Variants in USP13 observed in about 807,000 individuals in gnomAD.
USP13 encodes ubiquitin carboxyl-terminal hydrolase 13.
A neutral mutation model predicts 107.8 loss-of-function variants in USP13; 68 were observed. That is an observed-to-expected ratio of 0.63 (90% confidence interval 0.52 to 0.77). The LOEUF (loss-of-function observed/expected upper bound fraction) is 0.77. Ranked by LOEUF, USP13 falls within the 30% of genes least tolerant of loss-of-function variation. The probability of loss-of-function intolerance (pLI) is 0.00; values close to 1 mark genes in which losing one functional copy is unlikely to be tolerated. For missense variants in USP13, 945 were observed against 1,093.3 expected, an observed-to-expected ratio of 0.86 and a Z score of 1.91; for synonymous variants, 377 against 389.5, an observed-to-expected ratio of 0.97 and a Z score of 0.38.
At position 179,721,383 on chromosome 3, in the gene USP13, T is replaced by G; in HGVS notation, c.901-19T>G. ...GGAATCACATTTAAAGTTGTTTTTC[T>G]TCGATGACTTTGTCTCAGACAGAGA... On this transcript the variant is annotated intron_variant, in intron 7 of 20. Coordinates refer to ENST00000263966, the MANE Select transcript of USP13 (RefSeq NM_003940.3). This position sits in a 1 kb window ranked among gnomAD's most constrained non-coding sequence, Gnocchi z 4.3. 6.2e-7 allele frequency: 1 copy of G among 1,606,100 alleles called. No homozygotes were observed. Among genetic ancestry groups the G allele is most frequent in the African/African-American group, 1.3e-5 (1 of 74,830 alleles).
At chr3:179,677,701 G>C (rs1420975969) in intron 1 of USP13, among the ~76,000 whole-genome samples, 1 of 152,140 alleles carries the variant, frequency 6.6e-6, no homozygotes, top group Non-Finnish European at 1.5e-5. Flanking sequence ...CTTGGATATA[G>C]AGTATTTCTA....
intron 2 of USP13, among the ~76,000 whole-genome samples, chr3:179,684,537 C>T (rs531075212): frequency 9.3e-5 from 14 of 151,146 alleles, no homozygotes; most frequent in African/African-American, 2.7e-4. Context: ...CATGGTGCTC[C>T]GTCTTGTGCT....
At chr3:179,692,234 T>C (rs1712140935) in intron 3 of USP13, among the ~76,000 whole-genome samples, 1 of 152,246 alleles carries the variant, frequency 6.6e-6, no homozygotes, top group South Asian at 2.1e-4. Flanking sequence ...TTTTTGCTTC[T>C]CTATATTTAA....
chr3:179,758,403 A>G (rs1161282264), intron 16 of USP13, among the ~76,000 whole-genome samples: 2 of 152,088 alleles, frequency 1.3e-5, no homozygotes, highest in Non-Finnish European at 2.9e-5. Context: ...TGATTTGGCC[A>G]TTTATTTCCT....
In USP13 at chr3:179,764,302, T is replaced by G. The variant is rs1005674522; in HGVS notation, c.2259+134T>G. 8.3e-6 allele frequency: 11 copies of G among 1,318,592 alleles called. No homozygotes were observed. In the Admixed American group the frequency reaches 3.9e-4, roughly 46 times the overall value. 81.7% of individuals were successfully genotyped at this position (1,318,592 alleles called of 1,614,324 possible). ...ATTCATCTAACTGTGAATCTCATCATAGCCCATAAAGATTTATTTGCATAT... is the reference window on the plus strand; with the variant it reads ...ATTCATCTAACTGTGAATCTCATCAGAGCCCATAAAGATTTATTTGCATAT... On this transcript the variant is annotated intron_variant, in intron 18 of 20. Transcript: ENST00000263966.
At chr3:179,660,174 G>A (rs114470501) in intron 1 of USP13, among the ~76,000 whole-genome samples, 6 of 152,268 alleles carry the variant, frequency 3.9e-5, no homozygotes, top group Non-Finnish European at 7.3e-5. Flanking sequence ...CATTCGCATT[G>A]TTGTGTAACT....
intron 3 of USP13, among the ~76,000 whole-genome samples, chr3:179,694,175 A>G (rs1251064556): frequency 1.3e-5 from 2 of 151,918 alleles, no homozygotes; most frequent in Non-Finnish European, 2.9e-5. Flanking sequence ...GGGTTCTGCC[A>G]TGTTGCCCAG....
intron 14 of USP13, among the ~76,000 whole-genome samples, chr3:179,754,074 A>T (rs1026330753): frequency 4.6e-5 from 7 of 152,056 alleles, no homozygotes; most frequent in African/African-American, 1.7e-4. Flanking sequence ...GCAAACTCAA[A>T]TGCCTAACAA....
intron 12 of USP13, among the ~76,000 whole-genome samples, chr3:179,744,156 C>T (rs781222275): frequency 4.6e-5 from 7 of 152,120 alleles, no homozygotes; most frequent in Non-Finnish European, 7.4e-5. Flanking sequence ...GAAGTTGTCT[C>T]GGCAGTGTTG....
Position 179,742,355 on chromosome 3 carries a change from C to A in USP13, c.1534+5C>A. ...TGGAGGCGGCAACCAACAAGGGTAA[C>A]AATTCCAAAGCGGGAAATTGGTACT... On this transcript the variant is annotated splice_donor_5th_base_variant and intron_variant, in intron 12 of 20. Transcript: ENST00000263966. The surrounding 1 kb of genome is among the most constrained non-coding windows in gnomAD (Gnocchi z 5.0). 1 of 1,614,158 alleles carries A rather than the reference C, an allele frequency of 6.2e-7. No homozygotes were observed. The highest frequency in any genetic ancestry group is 8.5e-7 in the Non-Finnish European group (1 of 1,179,992).
At position 179,731,968 on chromosome 3, in the gene USP13, T is replaced by C. The variant is rs530196745; in HGVS notation, c.1254+1259T>C. Among the ~76,000 whole-genome samples, 7 of 151,240 alleles carry C rather than the reference T, an allele frequency of 4.6e-5. No individual in the cohort carries two copies. The East Asian group carries it at 9.7e-4, about 21-fold the overall frequency. On this transcript the variant is annotated intron_variant, in intron 10 of 20. Transcript: ENST00000263966. ...CCCTCTTGTTCATCAGGAAGCCAGC[T>C]AGTTGTGGAAATGGAGCAAGCAAGA...
At chr3:179,699,715 G>A (rs1457170176) in intron 3 of USP13, among the ~76,000 whole-genome samples, 8 of 83,192 alleles carry the variant, frequency 9.6e-5, no homozygotes, top group Admixed American at 2.4e-4. Context: ...AAAAAAAAAA[G>A]CTTAGATTGC....
At chr3:179,769,560 A>G (rs1391676139) in intron 19 of USP13, among the ~76,000 whole-genome samples, 1 of 152,158 alleles carries the variant, frequency 6.6e-6, no homozygotes, top group Non-Finnish European at 1.5e-5. Flanking sequence ...GGCATGCACC[A>G]TCATACCTGG....
intron 6 of USP13, 144 bp downstream of exon 6, chr3:179,709,101 T>C: frequency 9.5e-7 from 1 of 1,048,338 alleles, no homozygotes; most frequent in South Asian, 1.7e-5. Context: ...TTATTAGTTT[T>C]GAGGTCTTGG....
intron 15 of USP13, among the ~76,000 whole-genome samples, chr3:179,756,306 C>T (rs956754070): frequency 6.6e-6 from 1 of 152,148 alleles, no homozygotes; most frequent in Non-Finnish European, 1.5e-5. Context: ...GCCTGTAATC[C>T]CAGCTACTCA....
chr3:179,727,801 C>T (rs1441563529), intron 8 of USP13, among the ~76,000 whole-genome samples: 3 of 30,920 alleles, frequency 9.7e-5, no homozygotes, highest in African/African-American at 2.5e-4. Context: ...GGGGCTGACC[C>T]CCCCCCCACC....
At chr3:179,773,948 T>G (rs1400487654) in intron 19 of USP13, among the ~76,000 whole-genome samples, 1 of 151,698 alleles carries the variant, frequency 6.6e-6, no homozygotes, top group Non-Finnish European at 1.5e-5. Flanking sequence ...AGTAGTGTGT[T>G]AGTAGTTTTA....
intron 1 of USP13, among the ~76,000 whole-genome samples, chr3:179,666,713 G>C (rs1720597175): frequency 6.6e-6 from 1 of 152,124 alleles, no homozygotes; most frequent in Non-Finnish European, 1.5e-5. Flanking sequence ...TCCTTTGCCT[G>C]TCCCTCCTGC....
At chr3:179,659,523 G>A (rs75169289) in intron 1 of USP13, among the ~76,000 whole-genome samples, 7,474 of 152,182 alleles carry the variant, frequency 0.049, 357 homozygotes, top group East Asian at 0.12. Flanking sequence ...GTTTGAGACC[G>A]AGTGATAGGG....
Sources: gnomAD v4.1 joint callset for allele counts (sites outside exome capture counted in the v4.1 genomes callset) on GRCh38, gnomAD v4.1.1 for gene constraint, Gnocchi (gnomAD v3.1) non-coding constraint, MANE v1.5 for transcripts, NCBI Gene and HGNC (gene_info 2026-07-23, HGNC 2026-07-21) for gene names.